Variants in PRPF39 observed in about 807,000 individuals in gnomAD.
The protein encoded by PRPF39 is pre-mRNA-processing factor 39.
A neutral mutation model predicts 82.1 loss-of-function variants in PRPF39; 27 were observed. That is an observed-to-expected ratio of 0.33 (90% CI 0.24 to 0.45). The LOEUF is 0.45. PRPF39 is among the 20% of genes least tolerant of loss of function. PRPF39 has a pLI of 1.00. For missense variants in PRPF39, 581 were observed against 796.9 expected (o/e 0.73, Z 3.26); for synonymous variants, 261 against 256.4 (o/e 1.02, Z -0.17).
rs1433106152 is a variant in PRPF39, at chr14:45,095,212, T to C, written c.-19-9T>C. On this transcript the variant is annotated splice_polypyrimidine_tract_variant and intron_variant, in intron 1 of 13. Transcript: ENST00000355765. ...GGAAGATATTTCTCTTTTTTTCGTG[T>C]TTCCACAGATCGTTAACTGAAGACA... 2.0e-6 allele frequency: 3 copies of C among 1,498,986 alleles called. No individual in the cohort carries two copies. Among genetic ancestry groups the C allele is most frequent in the Admixed American group, 4.1e-5 (2 of 48,810 alleles). The allele number at this position is 1,498,986 out of a possible 1,614,324, so 92.9% of individuals were successfully genotyped here.
intron 8 of PRPF39, 130 bp downstream of exon 8, chr14:45,109,910 A>C: frequency 6.6e-7 from 1 of 1,515,828 alleles, no homozygotes; most frequent in Non-Finnish European, 8.8e-7. Context: ...GTCTGCTTGC[A>C]ACCAGATTTG....
At chr14:45,107,714 A>T (rs1296628441) in intron 6 of PRPF39, 98 bp downstream of exon 6, 1 of 1,250,852 alleles carries the variant, frequency 8.0e-7, no homozygotes, top group East Asian at 2.5e-5. Flanking sequence ...GGGTCACCTG[A>T]GGTCCGGAGT....
chr14:45,096,337 T>G, intron 3 of PRPF39, 109 bp downstream of exon 3: 1 of 1,534,338 alleles, frequency 6.5e-7, no homozygotes, highest in Non-Finnish European at 8.8e-7. Context: ...ACCTACCATT[T>G]ATGGTCAAAC....
At chr14:45,114,323 T>G in intron 12 of PRPF39, 66 bp downstream of exon 12, 1 of 1,409,414 alleles carries the variant, frequency 7.1e-7, no homozygotes, top group South Asian at 1.3e-5. Context: ...AAGACAAATG[T>G]TTTTAAGTGT....
chr14:45,106,274 G>A (rs1411272457), intron 5 of PRPF39, among the ~76,000 whole-genome samples: 1 of 152,090 alleles, frequency 6.6e-6, no homozygotes, highest in Non-Finnish European at 1.5e-5. Flanking sequence ...GCTTGAACCC[G>A]GGAGGTGGAG....
At chr14:45,096,034 G>C (rs1206359803) in intron 2 of PRPF39, 69 bp from the exon 3 acceptor site, 1 of 1,349,214 alleles carries the variant, frequency 7.4e-7, no homozygotes, top group Non-Finnish European at 1.0e-6. Flanking sequence ...AATAACGTTT[G>C]AAAGGAATAA....
chr14:45,104,872 C>T (rs1253351518), intron 5 of PRPF39, among the ~76,000 whole-genome samples: 1 of 152,174 alleles, frequency 6.6e-6, no homozygotes, highest in Non-Finnish European at 1.5e-5. Context: ...CCTCTTTCCA[C>T]TTGTCTAGTG....
In PRPF39 at chr14:45,112,340, A is replaced by G. The variant is rs774456505; in HGVS notation, c.1595A>G (p.Asn532Ser). 9 of 1,561,008 alleles carry G rather than the reference A, an allele frequency of 5.8e-6. No homozygotes were observed. The highest frequency in any genetic ancestry group is 1.4e-5 in the African/African-American group (1 of 71,494). ...RDKENTKLYLNLLEMEYSGDL... is the reference protein window; with the variant it reads ...RDKENTKLYLSLLEMEYSGDL... ...CAGGAGAACACAAAGTTATACCTCA[A>G]TTTACTTGAAATGGAATATAGTGGT... is the stretch of plus-strand genomic sequence containing the variant. The change falls in exon 11 of 14, where the codon AAT becomes AGT. Residue 532 changes from asparagine (N) to serine (S), a missense_variant. Coordinates refer to ENST00000355765, the MANE Select transcript of PRPF39 (RefSeq NM_017922.4).
intron 5 of PRPF39, among the ~76,000 whole-genome samples, chr14:45,104,454 C>T (rs1439396089): frequency 2.0e-5 from 3 of 151,802 alleles, no homozygotes. Context: ...ATAACACATG[C>T]CTCTTTCTTA....
chr14:45,099,601 C>T (rs1305699754), intron 4 of PRPF39, among the ~76,000 whole-genome samples: 4 of 152,138 alleles, frequency 2.6e-5, no homozygotes, highest in East Asian at 1.9e-4. Context: ...CCTGCCACCA[C>T]GCCTGACTAA....
intron 3 of PRPF39, 180 bp from the exon 4 acceptor site, chr14:45,096,707 T>TG (rs1394544506): frequency 3.3e-6 from 5 of 1,524,656 alleles, no homozygotes; most frequent in Non-Finnish European, 2.6e-6. Flanking sequence ...ATCAAGACTC[T>TG]GCACGTGGGG....
At chr14:45,096,618 G>A in intron 3 of PRPF39, 1 of 1,473,590 alleles carries the variant, frequency 6.8e-7, no homozygotes, top group Non-Finnish European at 9.0e-7. Flanking sequence ...ATGCTCTAAT[G>A]GGTCTGTGCC....
chr14:45,113,452 T>C (rs1342237599), intron 11 of PRPF39, among the ~76,000 whole-genome samples: 1 of 152,220 alleles, frequency 6.6e-6, no homozygotes, highest in Admixed American at 6.5e-5. Flanking sequence ...CATGTAGCTA[T>C]TATCACATTG....
chr14:45,095,883 G>A (rs1290834788), intron 2 of PRPF39: 1 of 417,786 alleles, frequency 2.4e-6, no homozygotes, highest in African/African-American at 2.3e-5. Flanking sequence ...GCTGCTGCCT[G>A]TGTAGGTTTT....
intron 5 of PRPF39, among the ~76,000 whole-genome samples, chr14:45,104,591 C>T (rs78059968): frequency 0.054 from 8,246 of 151,892 alleles, 535 homozygotes; most frequent in African/African-American, 0.16. Context: ...GAGGAGGAGG[C>T]GTGTGTTAAA....
At position 45,116,091 on chromosome 14, in the gene PRPF39, T is replaced by C. The variant is rs1884827029; in HGVS notation, c.*1178T>C. On this transcript the variant is annotated 3_prime_UTR_variant, in exon 14 of 14. Transcript: ENST00000355765. The stretch of plus-strand genomic sequence containing the variant: ...TTATTAACTCCTTGAATTTTCCAGT[T>C]GACTCTTCCTTTACAATAGTAACAA... 3.9e-6 allele frequency: 3 copies of C among 770,138 alleles called. No individual in the cohort carries two copies. Among genetic ancestry groups the C allele is most frequent in the Non-Finnish European group, 6.6e-6 (3 of 457,268 alleles). 47.7% of individuals were successfully genotyped at this position (770,138 alleles called of 1,614,324 possible).
Position 45,116,223 on chromosome 14 carries a change from T to G in PRPF39, c.*1310T>G, listed in dbSNP as rs144130205. 75 of 1,613,124 alleles carry G rather than the reference T, an allele frequency of 4.6e-5. No individual in the cohort carries two copies. The African/African-American group carries it at 9.1e-4, about 20-fold the overall frequency. ...TCAATCAATATCCACTAATTCCACT[T>G]CAAAAGTGAGTTTTGCATTTGGTGG... On this transcript the variant is annotated 3_prime_UTR_variant, in exon 14 of 14. Transcript: ENST00000355765.
chr14:45,102,447 C>A (rs1884406812), intron 4 of PRPF39, 82 bp from the exon 5 acceptor site: 2 of 1,200,074 alleles, frequency 1.7e-6, no homozygotes, highest in East Asian at 5.4e-5. Context: ...TTGAAGTTAG[C>A]ATTATCTTCT....
intron 1 of PRPF39, among the ~76,000 whole-genome samples, chr14:45,085,113 A>G (rs539370079): frequency 6.6e-6 from 1 of 152,330 alleles, no homozygotes; most frequent in Non-Finnish European, 1.5e-5. Flanking sequence ...ACAGGGACGT[A>G]TGAAGCTCAT....
Sources: gnomAD v4.1 joint callset for allele counts (sites outside exome capture counted in the v4.1 genomes callset) on GRCh38, gnomAD v4.1.1 for gene constraint, MANE v1.5 for transcripts, NCBI Gene and HGNC (gene_info 2026-07-23, HGNC 2026-07-21) for gene names.